Variants in ARL6IP6 observed in about 807,000 individuals in gnomAD.
The protein encoded by ARL6IP6 is ADP-ribosylation factor-like protein 6-interacting protein 6.
ARL6IP6 carries 22 observed loss-of-function variants against 21.5 expected under a neutral mutation model. The ratio of observed to expected loss-of-function variants is 1.02; its 90% CI spans 0.73 to 1.46. The LOEUF (loss-of-function observed/expected upper bound fraction) is 1.46, where lower values mean the gene tolerates loss of function less well. ARL6IP6 is among the 40% of genes most tolerant of loss of function. The pLI is 0.00. For synonymous variants in ARL6IP6, 164 were observed against 125.3 expected (o/e 1.31, Z -2.06); for missense variants, 388 against 299.8 (o/e 1.29, Z -2.17).
intron 1 of ARL6IP6, 103 bp downstream of exon 1, chr2:152,719,127 C>A: frequency 7.6e-7 from 1 of 1,311,196 alleles, no homozygotes; most frequent in Non-Finnish European, 1.0e-6. Flanking sequence ...AGCCCTCAGG[C>A]TGGCAGCTGC....
At chr2:152,742,431 T>C (rs1438182781) in intron 3 of ARL6IP6, among the ~76,000 whole-genome samples, 1 of 151,632 alleles carries the variant, frequency 6.6e-6, no homozygotes, top group Admixed American at 6.6e-5. Context: ...TATCCAGGTG[T>C]GGTGAAATGA....
intron 3 of ARL6IP6, among the ~76,000 whole-genome samples, chr2:152,752,164 T>TTA (rs1185731336): frequency 1.3e-5 from 2 of 152,204 alleles, no homozygotes. Context: ...TGAATAAAAA[T>TTA]TACATATTCT....
chr2:152,746,533 A>G (rs926576719), intron 3 of ARL6IP6, among the ~76,000 whole-genome samples: 4 of 152,220 alleles, frequency 2.6e-5, no homozygotes, highest in African/African-American at 7.2e-5. Context: ...CAGGAGAGGT[A>G]GCTTCCAAAT....
intron 3 of ARL6IP6, among the ~76,000 whole-genome samples, chr2:152,758,286 C>G (rs951674273): frequency 6.6e-6 from 1 of 151,960 alleles, no homozygotes; most frequent in East Asian, 1.9e-4. Context: ...TATACATGTT[C>G]TGTACGGATG....
chr2:152,734,707 T>C lies in ARL6IP6; in HGVS notation c.455-287T>C, dbSNP rs1700474591. Among the ~76,000 whole-genome samples the C allele has an allele frequency of 2.0e-5, 3 of 152,198 alleles. No homozygotes were observed. In the South Asian group the frequency reaches 6.2e-4, roughly 32 times the overall value. ...ATGTTTTGACCATGTTTTCTGTAGTTGAATTTTATAAAACTGAAGATGTTA... is the reference window on the plus strand; with the variant it reads ...ATGTTTTGACCATGTTTTCTGTAGTCGAATTTTATAAAACTGAAGATGTTA... On this transcript the variant is annotated intron_variant, in intron 2 of 3. Coordinates refer to ENST00000326446, the MANE Select transcript of ARL6IP6 (RefSeq NM_152522.7).
chr2:152,729,330 TTG>T (rs1460387959), intron 2 of ARL6IP6, among the ~76,000 whole-genome samples: 1 of 57,470 alleles, frequency 1.7e-5, no homozygotes, highest in African/African-American at 6.9e-5. Context: ...GAGCCAGACT[TTG>T]TCTGTGTGTG....
At chr2:152,749,622 G>A (rs1701226669) in intron 3 of ARL6IP6, among the ~76,000 whole-genome samples, 1 of 152,058 alleles carries the variant, frequency 6.6e-6, no homozygotes, top group South Asian at 2.1e-4. Flanking sequence ...TTCTATTTTT[G>A]TTTCCATTGT....
chr2:152,758,881 C>T (rs1412492954), intron 3 of ARL6IP6, among the ~76,000 whole-genome samples: 2 of 152,092 alleles, frequency 1.3e-5, no homozygotes, highest in East Asian at 3.9e-4. Flanking sequence ...AGTCCAGGGC[C>T]CTTACTGCTT....
chr2:152,740,956 AGAGT>A (rs1368465506), intron 3 of ARL6IP6, among the ~76,000 whole-genome samples: 1 of 152,192 alleles, frequency 6.6e-6, no homozygotes, highest in Non-Finnish European at 1.5e-5. Context: ...TGTCACCAGT[AGAGT>A]GAGTCCTTGT....
chr2:152,757,575 G>C (rs1264218235), intron 3 of ARL6IP6, among the ~76,000 whole-genome samples: 5 of 152,140 alleles, frequency 3.3e-5, no homozygotes, highest in Admixed American at 6.5e-5. Context: ...TTTGTTAACA[G>C]ACTTTAGAGA....
chr2:152,745,446 T>C lies in ARL6IP6; in HGVS notation c.587+10320T>C, dbSNP rs561145739. ...TGGACATCTTTAGCATAAAATAATA[T>C]ACGAGTGTTACAGGTTCTTAACTTG... is the stretch of plus-strand genomic sequence containing the variant. On this transcript the variant is annotated intron_variant, in intron 3 of 3. Coordinates refer to ENST00000326446, the MANE Select transcript of ARL6IP6 (RefSeq NM_152522.7). Among the ~76,000 whole-genome samples, 11 of 152,316 alleles carry C rather than the reference T, an allele frequency of 7.2e-5. No homozygotes were observed. In the East Asian group the frequency reaches 1.7e-3, roughly 24 times the overall value.
chr2:152,748,440 GAACT>G (rs1445228077), intron 3 of ARL6IP6, among the ~76,000 whole-genome samples: 7 of 152,120 alleles, frequency 4.6e-5, no homozygotes, highest in Non-Finnish European at 1.0e-4. Flanking sequence ...TCCAGATAAA[GAACT>G]AACTGATAGT....
chr2:152,747,565 CTCTT>C (rs1195041773), intron 3 of ARL6IP6, among the ~76,000 whole-genome samples: 2 of 151,918 alleles, frequency 1.3e-5, no homozygotes, highest in African/African-American at 4.8e-5. Flanking sequence ...TCATTTCTCT[CTCTT>C]TTTTTTTTTC....
intron 2 of ARL6IP6, among the ~76,000 whole-genome samples, chr2:152,725,638 A>G (rs1308063545): frequency 6.6e-6 from 1 of 151,524 alleles, no homozygotes; most frequent in Non-Finnish European, 1.5e-5. Context: ...TTGTGTTTTA[A>G]TGACGCAAGT....
At chr2:152,723,962 T>A (rs1699911222) in intron 2 of ARL6IP6, among the ~76,000 whole-genome samples, 1 of 151,242 alleles carries the variant, frequency 6.6e-6, no homozygotes, top group South Asian at 2.1e-4. Context: ...ACCTATACTC[T>A]ATTAAGAAAG....
At chr2:152,734,003 G>A (rs1700442549) in intron 2 of ARL6IP6, among the ~76,000 whole-genome samples, 1 of 152,118 alleles carries the variant, frequency 6.6e-6, no homozygotes, top group East Asian at 1.9e-4. Flanking sequence ...AAATAAAGCT[G>A]TACTTCTTAC....
chr2:152,719,899 G>A (rs1256141833), intron 1 of ARL6IP6: 2 of 470,404 alleles, frequency 4.3e-6, no homozygotes, highest in African/African-American at 2.0e-5. Flanking sequence ...GCTTCCCAGC[G>A]TTTAGTGGGC....
chr2:152,728,186 T>C (rs1336820754), intron 2 of ARL6IP6, among the ~76,000 whole-genome samples: 1 of 152,226 alleles, frequency 6.6e-6, no homozygotes, highest in Non-Finnish European at 1.5e-5. Flanking sequence ...GACTGCATTG[T>C]ATTTCATAAT....
intron 3 of ARL6IP6, among the ~76,000 whole-genome samples, chr2:152,747,363 C>T (rs933576650): frequency 1.3e-5 from 2 of 152,082 alleles, no homozygotes; most frequent in Admixed American, 1.3e-4. Context: ...CTTGCTTCTG[C>T]GCATACTGTT....
Sources: allele counts gnomAD v4.1 joint callset (sites outside exome capture counted in the v4.1 genomes callset), GRCh38; gene constraint gnomAD v4.1.1; transcripts MANE v1.5; gene names NCBI Gene and HGNC (gene_info 2026-07-23, HGNC 2026-07-21).